The following GNB4 variants were observed in gnomAD, a reference collection of about 807,000 sequenced individuals.
GNB4 encodes guanine nucleotide-binding protein subunit beta-4.
A neutral mutation model predicts 45.2 loss-of-function variants in GNB4; 28 were observed. The ratio of observed to expected loss-of-function variants is 0.62; its 90% confidence interval spans 0.46 to 0.85. The LOEUF (loss-of-function observed/expected upper bound fraction) is 0.85, where lower values mean the gene tolerates loss of function less well. GNB4 is among the 40% of genes least tolerant of loss of function. The pLI, the probability that GNB4 is intolerant of heterozygous loss-of-function variation, is 0.00. For missense variants in GNB4, 321 were observed against 425.4 expected (o/e 0.75, Z 2.16); for synonymous variants, 132 against 143.7 (o/e 0.92, Z 0.58).
chr3:179,498,758 T>G, the GNB4 span, among the ~76,000 whole-genome samples: 6 of 145,958 alleles, frequency 4.1e-5, no homozygotes, highest in African/African-American at 1.1e-4. Flanking sequence ...GGTTTTTTTT[T>G]TTTTTTTTTG....
At chr3:179,508,839 A>G in the GNB4 span, among the ~76,000 whole-genome samples, 1 of 150,954 alleles carries the variant, frequency 6.6e-6, no homozygotes, top group Non-Finnish European at 1.5e-5. Context: ...TAATAGTAAT[A>G]TCAGTATTAT....
chr3:179,521,554 T>C, the GNB4 span, among the ~76,000 whole-genome samples: 1 of 152,174 alleles, frequency 6.6e-6, no homozygotes, highest in African/African-American at 2.4e-5. Context: ...CTATTCACCA[T>C]TCTCAACTAC....
At chr3:179,466,293 G>A in the GNB4 span, among the ~76,000 whole-genome samples, 2 of 152,212 alleles carry the variant, frequency 1.3e-5, no homozygotes, top group South Asian at 2.1e-4. Flanking sequence ...TTACAGGCAT[G>A]AGCCACCGCA....
the GNB4 span, chr3:179,464,367 T>A: frequency 1.1e-6 from 1 of 878,540 alleles, no homozygotes; most frequent in African/African-American, 1.6e-5. Context: ...TTCCCTCATG[T>A]CCAGGTTGGC....
chr3:179,463,795 T>C, the GNB4 span, among the ~76,000 whole-genome samples: 5 of 152,346 alleles, frequency 3.3e-5, no homozygotes, highest in Admixed American at 6.5e-5. Context: ...GTTACCTTCA[T>C]GGTCTCTTTC....
the GNB4 span, among the ~76,000 whole-genome samples, chr3:179,472,723 G>T: frequency 1.3e-5 from 2 of 152,116 alleles, no homozygotes; most frequent in African/African-American, 4.8e-5. Flanking sequence ...AAAATATATA[G>T]TTGGTACTCC....
chr3:179,492,904 G>C, the GNB4 span, among the ~76,000 whole-genome samples: 1 of 152,200 alleles, frequency 6.6e-6, no homozygotes, highest in African/African-American at 2.4e-5. Context: ...TGGGGCTACT[G>C]TCACCACTGC....
the GNB4 span, among the ~76,000 whole-genome samples, chr3:179,504,871 T>C: frequency 2.6e-5 from 4 of 152,104 alleles, no homozygotes; most frequent in Non-Finnish European, 5.9e-5. Context: ...CTCTGGGGTG[T>C]AGAGCCAGAA....
At chr3:179,407,719 G>A (rs1298362568) in intron 8 of GNB4, among the ~76,000 whole-genome samples, 4 of 152,052 alleles carry the variant, frequency 2.6e-5, no homozygotes, top group African/African-American at 9.7e-5. Context: ...CATCCTTTAG[G>A]TAGTCAACTG....
At chr3:179,439,835 A>G (rs1168794153) in intron 1 of GNB4, among the ~76,000 whole-genome samples, 4 of 152,248 alleles carry the variant, frequency 2.6e-5, no homozygotes, top group Non-Finnish European at 5.9e-5. Context: ...AGAGAAAGGC[A>G]TAGACCTGCC....
chr3:179,506,662 C>A, the GNB4 span, among the ~76,000 whole-genome samples: 6 of 152,298 alleles, frequency 3.9e-5, no homozygotes, highest in African/African-American at 1.2e-4. Context: ...AATTCATTCA[C>A]ACTGAAGCAA....
chr3:179,465,629 T>A, the GNB4 span, among the ~76,000 whole-genome samples: 2 of 152,062 alleles, frequency 1.3e-5, no homozygotes, highest in Non-Finnish European at 2.9e-5. Context: ...AAGGTCTTTT[T>A]TTCTTTTTTA....
At chr3:179,476,518 C>T in the GNB4 span, among the ~76,000 whole-genome samples, 5 of 152,202 alleles carry the variant, frequency 3.3e-5, no homozygotes, top group African/African-American at 4.8e-5. Flanking sequence ...CATGGATCCA[C>T]TCGGAATTGC....
chr3:179,444,932 T>C (rs9879952), intron 1 of GNB4, among the ~76,000 whole-genome samples: 5,962 of 152,260 alleles, frequency 0.039, 351 homozygotes, highest in African/African-American at 0.13. Flanking sequence ...TGACAAATTT[T>C]CATATTTTAA....
the GNB4 span, among the ~76,000 whole-genome samples, chr3:179,501,529 T>C: frequency 6.6e-6 from 1 of 151,870 alleles, no homozygotes; most frequent in South Asian, 2.1e-4. Context: ...TTTGTCGTGT[T>C]GCCCAGAGTG....
chr3:179,409,703 C>T (rs778709410), intron 8 of GNB4, among the ~76,000 whole-genome samples: 15 of 148,510 alleles, frequency 1.0e-4, no homozygotes, highest in African/African-American at 3.7e-4. Flanking sequence ...TCAGTTACTT[C>T]GAAGGCTGAG....
At chr3:179,444,232 T>G (rs1191589001) in intron 1 of GNB4, among the ~76,000 whole-genome samples, 1 of 152,088 alleles carries the variant, frequency 6.6e-6, no homozygotes, top group Non-Finnish European at 1.5e-5. Flanking sequence ...TTCATTTTTT[T>G]CCCCCCAAAG....
At chr3:179,427,492 C>G (rs956121890) in intron 1 of GNB4, among the ~76,000 whole-genome samples, 1 of 151,108 alleles carries the variant, frequency 6.6e-6, no homozygotes, top group African/African-American at 2.4e-5. Flanking sequence ...GCAATCCCAG[C>G]TATTTGGGAA....
intron 1 of GNB4, among the ~76,000 whole-genome samples, chr3:179,438,267 A>C (rs1352516724): frequency 6.6e-6 from 1 of 152,232 alleles, no homozygotes; most frequent in African/African-American, 2.4e-5. Flanking sequence ...ACAGACGAGG[A>C]AACTTTACAC....
Sources: gnomAD v4.1 joint callset for allele counts (sites outside exome capture counted in the v4.1 genomes callset) on GRCh38, gnomAD v4.1.1 for gene constraint, MANE v1.5 for transcripts, NCBI Gene and HGNC (gene_info 2026-07-23, HGNC 2026-07-21) for gene names.